Variants in ALPL observed in about 807,000 individuals in gnomAD.
ALPL encodes the protein alkaline phosphatase, biomineralization associated.
In ALPL, 42 loss-of-function variants were observed where a neutral mutation model predicts 51.3. The ratio of observed to expected loss-of-function variants is 0.82; its 90% CI spans 0.64 to 1.06. The LOEUF (loss-of-function observed/expected upper bound fraction) is 1.06, where lower values mean the gene tolerates loss of function less well. Ranked by LOEUF, ALPL falls within the 50% of genes least tolerant of loss-of-function variation. The pLI, the probability that ALPL is intolerant of heterozygous loss-of-function variation, is 0.00. For missense variants in ALPL, 589 were observed against 709.4 expected (o/e 0.83, Z 1.93); for synonymous variants, 279 against 296.4 (o/e 0.94, Z 0.60).
rs1360689966 is a variant in ALPL at position 21,564,069 on chromosome 1, G to C, written c.501G>C (p.Thr167=). 1 of 1,613,868 alleles carries C rather than the reference G, an allele frequency of 6.2e-7. No homozygotes were observed. Among genetic ancestry groups the C allele is most frequent in the Non-Finnish European group, 8.5e-7 (1 of 1,180,006 alleles). ...AGKSVGIVTT[T]RVNHATPSAA... ...AATCTGTGGGCATTGTGACCACCAC[G>C]AGAGTGAACCATGCCACCCCCAGCG... The change falls in exon 6 of 12, where the codon ACG becomes ACC. Residue 167 remains threonine (T), a synonymous_variant. Coordinates refer to ENST00000374840, the MANE Select transcript of ALPL (RefSeq NM_000478.6). This position sits in a 1 kb window ranked among gnomAD's most constrained non-coding sequence, Gnocchi z 5.8.
intron 1 of ALPL, among the ~76,000 whole-genome samples, chr1:21,541,107 C>T (rs12135465): frequency 0.26 from 38,833 of 152,018 alleles, 6,176 homozygotes; most frequent in South Asian, 0.43. Context: ...AATCCCAAAG[C>T]ATATGGTGGC....
At chr1:21,551,481 G>A (rs1198571130) in intron 1 of ALPL, 2 of 151,746 alleles carry the variant, frequency 1.3e-5, no homozygotes, top group Admixed American at 6.6e-5. Context: ...TTAGTATTTC[G>A]TATTCAGTTA....
chr1:21,573,209 G>A (rs767108199), intron 8 of ALPL, among the ~76,000 whole-genome samples: 22 of 152,154 alleles, frequency 1.4e-4, no homozygotes, highest in Non-Finnish European at 2.8e-4. Flanking sequence ...CGAGGTGGGC[G>A]GATGACCTGA....
intron 5 of ALPL, among the ~76,000 whole-genome samples, chr1:21,563,790 C>T (rs922337876): frequency 2.6e-5 from 4 of 152,172 alleles, no homozygotes; most frequent in Non-Finnish European, 5.9e-5. Flanking sequence ...GGGAGGACTC[C>T]AGCCCAGGTG....
intron 1 of ALPL, among the ~76,000 whole-genome samples, chr1:21,542,615 G>T (rs1271338836): frequency 6.6e-6 from 1 of 152,228 alleles, no homozygotes; most frequent in Non-Finnish European, 1.5e-5. Flanking sequence ...GCCGAGGCGG[G>T]CGGATCACGT....
chr1:21,558,015 T>C (rs1697416), intron 2 of ALPL, among the ~76,000 whole-genome samples: 150,297 of 152,324 alleles, frequency 0.99, 74,172 homozygotes, highest in East Asian at 1. Context: ...GCCCTTTCCC[T>C]GGCATTCTAT....
chr1:21,571,807 T>C (rs1212796742), intron 8 of ALPL, among the ~76,000 whole-genome samples: 2 of 151,780 alleles, frequency 1.3e-5, no homozygotes, highest in Non-Finnish European at 2.9e-5. Context: ...CTGGGAAACA[T>C]AGCGAGACCT....
Position 21,568,081 on chromosome 1 carries a change from G to A in ALPL, c.649-23G>A, listed in dbSNP as rs777460486. 25 of 1,613,892 alleles carry A rather than the reference G, an allele frequency of 1.5e-5. No homozygotes were observed. The Admixed American group carries it at 4.0e-4, about 26-fold the overall frequency. ...CTGGGCATCTTGGAACCCTGCAGAA[G>A]TGATGGCTCCTGTCTCTTTTAGGTG... On this transcript the variant is annotated intron_variant, in intron 6 of 11. Transcript: ENST00000374840.
chr1:21,546,462 GT>G (rs1644254612), intron 1 of ALPL, among the ~76,000 whole-genome samples: 1 of 152,190 alleles, frequency 6.6e-6, no homozygotes, highest in Admixed American at 6.5e-5. Context: ...TCTCTGGGCC[GT>G]TTCTGAATCT....
chr1:21,564,967 T>C lies in ALPL; in HGVS notation c.648+751T>C, dbSNP rs919509456. Among the ~76,000 whole-genome samples the C allele has an allele frequency of 1.3e-5, 2 of 152,174 alleles. No homozygotes were observed. Among genetic ancestry groups the C allele is most frequent in the African/African-American group, 4.8e-5 (2 of 41,434 alleles). The stretch of plus-strand genomic sequence containing the variant: ...CCATGTGACGCTTACTCTCTGTTCT[T>C]AAGTGAGAATGCCCGGCTCGTTCCT... On this transcript the variant is annotated intron_variant, in intron 6 of 11. Coordinates refer to ENST00000374840, the MANE Select transcript of ALPL (RefSeq NM_000478.6). This position sits in a 1 kb window ranked among gnomAD's most constrained non-coding sequence, Gnocchi z 5.8.
intron 1 of ALPL, among the ~76,000 whole-genome samples, chr1:21,537,319 C>G (rs554856727): frequency 1.8e-4 from 27 of 152,170 alleles, no homozygotes; most frequent in Non-Finnish European, 3.8e-4. Flanking sequence ...CCTGGGCTGC[C>G]CCCACTGATC....
Position 21,575,760 on chromosome 1 carries a change from A to T in ALPL, c.1025A>T (p.Glu342Val). The T allele has an allele frequency of 1.9e-6, 3 of 1,614,176 alleles. No homozygotes were observed. The highest frequency in any genetic ancestry group is 2.5e-6 in the Non-Finnish European group (3 of 1,180,028). ...EGGRIDHGHH[E>V]GKAKQALHEA... is the part of the protein sequence containing the mutation. ...GGCAGAATTGACCACGGGCACCATG[A>T]AGGAAAAGCCAAGCAGGCCCTGCAT... Residue 342 changes from glutamate to valine, a missense_variant, in exon 10 of 12, where the codon GAA becomes GTA. Coordinates refer to ENST00000374840, the MANE Select transcript of ALPL (RefSeq NM_000478.6).
rs1643647630 is a variant in ALPL, at chr1:21,509,859, T to C, written c.-105+342T>C. 6.6e-6 allele frequency among the ~76,000 whole-genome samples: 1 copy of C among 152,168 alleles called. No individual in the cohort carries two copies. The highest frequency in any genetic ancestry group is 2.4e-5 in the African/African-American group (1 of 41,448). On this transcript the variant is annotated intron_variant, in intron 1 of 11. Transcript: ENST00000374840. This position sits in a 1 kb window ranked among gnomAD's most constrained non-coding sequence, Gnocchi z 6.0. The stretch of plus-strand genomic sequence containing the variant: ...GCTGCCTGGGACCCTGCGCTCTGTC[T>C]GGGCACCTGCCCTTGGTGCCCCGTG...
intron 1 of ALPL, among the ~76,000 whole-genome samples, chr1:21,551,610 TTGTTAGA>T (rs1477154845): frequency 2.0e-5 from 3 of 151,838 alleles, no homozygotes; most frequent in Non-Finnish European, 2.9e-5. Flanking sequence ...CAGTTAAGTG[TTGTTAGA>T]TGTTAGATGT....
intron 1 of ALPL, among the ~76,000 whole-genome samples, chr1:21,537,383 G>A (rs576067762): frequency 6.6e-6 from 1 of 152,326 alleles, no homozygotes; most frequent in African/African-American, 2.4e-5. Context: ...AGGAGGGAGA[G>A]GCCAACGTGA....
Position 21,564,257 on chromosome 1 carries a change from G to A in ALPL, c.648+41G>A, listed in dbSNP as rs1271008184. Reference sequence around the variant, plus strand: ...CAGCCGGGCAGGGACGGGGTGAGGCGGGGCCTCTGGTGGGCAGGAGGCCTC... The same window carrying A: ...CAGCCGGGCAGGGACGGGGTGAGGCAGGGCCTCTGGTGGGCAGGAGGCCTC... On this transcript the variant is annotated intron_variant, in intron 6 of 11. Coordinates refer to ENST00000374840, the MANE Select transcript of ALPL (RefSeq NM_000478.6). This position sits in a 1 kb window ranked among gnomAD's most constrained non-coding sequence, Gnocchi z 5.8. The A allele has an allele frequency of 2.5e-6, 4 of 1,608,128 alleles. No individual in the cohort carries two copies. The highest frequency in any genetic ancestry group is 1.7e-5 in the Admixed American group (1 of 59,920).
chr1:21,516,837 C>A (rs1247677719), intron 1 of ALPL, among the ~76,000 whole-genome samples: 1 of 152,138 alleles, frequency 6.6e-6, no homozygotes. Context: ...TGTTTTTTTG[C>A]TTTTCCCCAT....
In ALPL at chr1:21,545,978, G is replaced by A. The variant is rs146498316; in HGVS notation, c.-104-8000G>A. The stretch of plus-strand genomic sequence containing the variant: ...TTATAGGCACACACCACCATGCCCA[G>A]CTAATTTTTGTATTTTTAGTAGACA... On this transcript the variant is annotated intron_variant, in intron 1 of 11. Coordinates refer to ENST00000374840, the MANE Select transcript of ALPL (RefSeq NM_000478.6). 6.9e-3 allele frequency among the ~76,000 whole-genome samples: 1,046 copies of A among 151,948 alleles called. 5 individuals carry two copies. The highest frequency in any genetic ancestry group is 0.013 in the South Asian group (63 of 4,808).
chr1:21,566,444 C>T (rs916958065), intron 6 of ALPL, among the ~76,000 whole-genome samples: 9 of 152,048 alleles, frequency 5.9e-5, no homozygotes, highest in East Asian at 1.9e-4. Context: ...TCACCACGCC[C>T]GGCTAATTTT....
Sources: gnomAD v4.1 joint callset for allele counts (sites outside exome capture counted in the v4.1 genomes callset) on GRCh38, gnomAD v4.1.1 for gene constraint, Gnocchi (gnomAD v3.1) non-coding constraint, MANE v1.5 for transcripts, NCBI Gene and HGNC (gene_info 2026-07-23, HGNC 2026-07-21) for gene names.